Variants in BICC1 observed in about 807,000 individuals in gnomAD.
BICC1 encodes the protein BicC family RNA binding protein 1, also known as protein bicaudal C homolog 1.
A neutral mutation model predicts 111.0 loss-of-function variants in BICC1; 43 were observed. The ratio of observed to expected loss-of-function variants is 0.39; its 90% CI spans 0.30 to 0.50. The LOEUF (loss-of-function observed/expected upper bound fraction) is 0.50. Among genes scored for constraint, BICC1 ranks in the 20% least tolerant of loss-of-function variants. The pLI is 0.88. For synonymous variants in BICC1, 467 were observed against 434.4 expected, an observed-to-expected ratio of 1.07 and a Z score of -0.93; for missense variants, 1,091 against 1,203.2, an observed-to-expected ratio of 0.91 and a Z score of 1.38.
At chr10:58,793,893 C>T (rs928714160) in intron 9 of BICC1, among the ~76,000 whole-genome samples, 2 of 152,112 alleles carry the variant, frequency 1.3e-5, no homozygotes, top group African/African-American at 2.4e-5. Flanking sequence ...AAATCTAAAA[C>T]ACTTCTGGTC....
chr10:58,645,597 A>G (rs764307787), intron 2 of BICC1, among the ~76,000 whole-genome samples: 11 of 152,126 alleles, frequency 7.2e-5, no homozygotes, highest in Non-Finnish European at 1.0e-4. Flanking sequence ...CTCCATTTAT[A>G]TTTTGTGATC....
chr10:58,612,017 T>G (rs1297865614), intron 1 of BICC1, among the ~76,000 whole-genome samples: 6 of 152,194 alleles, frequency 3.9e-5, no homozygotes, highest in Non-Finnish European at 8.8e-5. Context: ...TGAATTTGAA[T>G]TGTTCACAGT....
chr10:58,791,000 G>C (rs187129022), intron 8 of BICC1, among the ~76,000 whole-genome samples: 1 of 152,234 alleles, frequency 6.6e-6, no homozygotes, highest in East Asian at 1.9e-4. Flanking sequence ...TTATTAACTT[G>C]CAGAGTTTAT....
chr10:58,617,596 T>G (rs1174404235), intron 1 of BICC1, among the ~76,000 whole-genome samples: 1 of 152,202 alleles, frequency 6.6e-6, no homozygotes, highest in Admixed American at 6.5e-5. Flanking sequence ...CGCCATATGG[T>G]TTGATACCAA....
chr10:58,528,628 G>A (rs1323973688), intron 1 of BICC1, among the ~76,000 whole-genome samples: 2 of 151,838 alleles, frequency 1.3e-5, no homozygotes, highest in African/African-American at 4.8e-5. Context: ...TTTTGAGTTA[G>A]AGGGAAATAA....
intron 19 of BICC1, among the ~76,000 whole-genome samples, chr10:58,818,981 G>GA (rs1266692833): frequency 6.6e-6 from 1 of 151,970 alleles, no homozygotes; most frequent in East Asian, 1.9e-4. Context: ...CTCCAAGAAG[G>GA]AAAAAAACAT....
At chr10:58,737,442 G>A (rs2132586125) in intron 3 of BICC1, among the ~76,000 whole-genome samples, 2 of 152,240 alleles carry the variant, frequency 1.3e-5, no homozygotes, top group Middle Eastern at 6.8e-3. Flanking sequence ...CCTTCTTTAT[G>A]GCTGCATAGT....
chr10:58,771,960 T>C (rs1842631853), intron 3 of BICC1, among the ~76,000 whole-genome samples: 1 of 152,202 alleles, frequency 6.6e-6, no homozygotes, highest in Non-Finnish European at 1.5e-5. Context: ...GATGATAGTT[T>C]AGGAGGAATG....
intron 1 of BICC1, among the ~76,000 whole-genome samples, chr10:58,566,381 G>A (rs114126605): frequency 7.3e-5 from 11 of 151,626 alleles, no homozygotes; most frequent in Non-Finnish European, 1.3e-4. Flanking sequence ...TGTACACCAC[G>A]ATTTCTTTAT....
intron 20 of BICC1, among the ~76,000 whole-genome samples, chr10:58,822,072 C>T (rs923997487): frequency 4.6e-5 from 7 of 152,116 alleles, no homozygotes; most frequent in African/African-American, 1.7e-4. Context: ...CTCAAGCTAA[C>T]TTTAAAAGTT....
intron 2 of BICC1, among the ~76,000 whole-genome samples, chr10:58,657,848 T>C (rs117765627): frequency 6.6e-6 from 1 of 152,168 alleles, no homozygotes; most frequent in African/African-American, 2.4e-5. Flanking sequence ...ATTATTACAA[T>C]GTGTGGATAT....
chr10:58,693,409 A>T (rs973016838), intron 2 of BICC1, among the ~76,000 whole-genome samples: 4 of 151,938 alleles, frequency 2.6e-5, no homozygotes, highest in African/African-American at 9.7e-5. Context: ...TGGTATTTCT[A>T]GTTCTAGATC....
In BICC1 at chr10:58,787,036, C is replaced by T; in HGVS notation, c.501C>T (p.His167=). ...TGGAAGAAACCGGATGCCATATCCA[C>T]TTTCCAGATTCCAACAGGAATAACC... ...KVMEETGCHI[H]FPDSNRNNQA... Residue 167 remains histidine, a synonymous_variant, in exon 5 of 21, where the codon CAC becomes CAT. Coordinates refer to ENST00000373886, the MANE Select transcript of BICC1 (RefSeq NM_001080512.3). The T allele has an allele frequency of 6.2e-7, 1 of 1,602,892 alleles. No individual in the cohort carries two copies. Among genetic ancestry groups the T allele is most frequent in the South Asian group, 1.1e-5 (1 of 89,048 alleles).
intron 2 of BICC1, chr10:58,648,413 A>T: frequency 1.7e-6 from 1 of 589,592 alleles, no homozygotes; most frequent in Non-Finnish European, 2.1e-6. Flanking sequence ...TTTGCCAGAG[A>T]GGCTTTTGAA....
intron 17 of BICC1, among the ~76,000 whole-genome samples, chr10:58,812,587 C>T (rs1040398018): frequency 6.6e-6 from 1 of 151,652 alleles, no homozygotes; most frequent in Non-Finnish European, 1.5e-5. Context: ...AAGCAATTCT[C>T]CTGCCTCAGC....
intron 2 of BICC1, among the ~76,000 whole-genome samples, chr10:58,669,312 G>A (rs1022116037): frequency 7.9e-5 from 12 of 151,984 alleles, no homozygotes; most frequent in East Asian, 1.9e-4. Context: ...AACCTGATAC[G>A]TATACAGGAA....
intron 20 of BICC1, among the ~76,000 whole-genome samples, chr10:58,827,352 A>G (rs1033634498): frequency 6.6e-6 from 1 of 152,232 alleles, no homozygotes; most frequent in African/African-American, 2.4e-5. Context: ...TTCCTGCTGG[A>G]AAAAAACTGT....
In BICC1 at chr10:58,691,722, C is replaced by A. The variant is rs541483302; in HGVS notation, c.238-10352C>A. ...TGGAAACAACAGAACTGAGGCATCC[C>A]ATTTTCCACAGCCCTCGCTTGGCTC... On this transcript the variant is annotated intron_variant, in intron 2 of 20. Transcript: ENST00000373886. Among the ~76,000 whole-genome samples the A allele has an allele frequency of 4.0e-4, 61 of 152,316 alleles. 1 individual carries two copies. Among genetic ancestry groups the A allele is most frequent in the Middle Eastern group, 6.8e-3 (2 of 294 alleles).
At chr10:58,770,002 G>GT (rs1842579843) in intron 3 of BICC1, among the ~76,000 whole-genome samples, 2 of 152,094 alleles carry the variant, frequency 1.3e-5, no homozygotes, top group South Asian at 4.1e-4. Flanking sequence ...AGTCAAAGCT[G>GT]TCAAAATCGG....
Sources: gnomAD v4.1 joint callset for allele counts (sites outside exome capture counted in the v4.1 genomes callset) on GRCh38, gnomAD v4.1.1 for gene constraint, MANE v1.5 for transcripts, NCBI Gene and HGNC (gene_info 2026-07-23, HGNC 2026-07-21) for gene names.